Variants in XRN1 observed in about 807,000 individuals in gnomAD.
XRN1 encodes the protein 5'-3' exoribonuclease 1.
XRN1 carries 67 observed loss-of-function variants against 222.3 expected under a neutral mutation model. The ratio of observed to expected loss-of-function variants is 0.30; its 90% CI spans 0.25 to 0.37. The LOEUF is 0.37. XRN1 is among the 10% of genes least tolerant of loss of function. XRN1 has a pLI of 1.00. For synonymous variants in XRN1, 643 were observed against 652.4 expected (o/e 0.99, Z 0.22); for missense variants, 1,707 against 2,000.2 (o/e 0.85, Z 2.80).
At chr3:142,357,174 G>A in intron 30 of XRN1, 55 bp from the exon 31 acceptor site, 3 of 1,508,186 alleles carry the variant, frequency 2.0e-6, no homozygotes, top group Non-Finnish European at 1.8e-6. Flanking sequence ...AATGTGTTAG[G>A]GAGAAAAGTC....
intron 37 of XRN1, among the ~76,000 whole-genome samples, chr3:142,324,842 G>A (rs2065471924): frequency 6.6e-6 from 1 of 151,938 alleles, no homozygotes; most frequent in East Asian, 1.9e-4. Context: ...TTCTCTGATG[G>A]CCAGTGATGA....
chr3:142,403,093 AC>A (rs2068208816), intron 18 of XRN1, among the ~76,000 whole-genome samples: 1 of 152,094 alleles, frequency 6.6e-6, no homozygotes, highest in Non-Finnish European at 1.5e-5. Flanking sequence ...ATAAGTCCAA[AC>A]TCAGCCTGGT....
intron 1 of XRN1, among the ~76,000 whole-genome samples, chr3:142,441,168 G>T (rs1388789554): frequency 1.3e-5 from 2 of 152,236 alleles, no homozygotes; most frequent in Non-Finnish European, 2.9e-5. Context: ...AGTGGGGAAT[G>T]TATCCAGCCT....
At chr3:142,357,177 GAA>G in intron 30 of XRN1, 58 bp from the exon 31 acceptor site, 1 of 1,499,560 alleles carries the variant, frequency 6.7e-7, no homozygotes, top group Non-Finnish European at 9.1e-7. Context: ...GTGTTAGGGA[GAA>G]AAGTCAAATA....
chr3:142,332,926 G>A (rs941781604), intron 35 of XRN1, 41 bp downstream of exon 35: 8 of 1,607,012 alleles, frequency 5.0e-6, no homozygotes, highest in African/African-American at 2.7e-5. Context: ...GTCAACAGTC[G>A]AGAAATTACC....
rs192838383 is a variant in XRN1, at chr3:142,383,321, G to C, written c.2595C>G (p.Pro865=). Residue 865 remains proline, a synonymous_variant, in exon 22 of 41, where the codon CCC becomes CCG. Coordinates refer to ENST00000392981, the MANE Select transcript of XRN1 (RefSeq NM_001282857.2). The part of the protein sequence containing the change: ...LRSMVFMLGT[P]YYGCTGEVQD... ...TAACTTCTCCAGTGCAGCCATAATA[G>C]GGAGTTCCCAGCATAAAGACCATAC... The C allele has an allele frequency of 3.7e-6, 6 of 1,613,488 alleles. No homozygotes were observed. The Admixed American group carries it at 1.0e-4, about 27-fold the overall frequency.
intron 30 of XRN1, among the ~76,000 whole-genome samples, chr3:142,358,345 T>C (rs1192411439): frequency 6.6e-6 from 1 of 152,194 alleles, no homozygotes; most frequent in Non-Finnish European, 1.5e-5. Context: ...AGAATCCTTC[T>C]CTTGTTAAGT....
Position 142,357,116 on chromosome 3 carries a change from G to C in XRN1, c.3468C>G (p.Cys1156Trp). The change falls in exon 31 of 41, where the codon TGC becomes TGG. Residue 1156 changes from cysteine to tryptophan, a missense_variant. Cys to Trp is a radical substitution (Grantham distance 215). Around this residue, in one of 2 missense-constraint regions of XRN1, gnomAD observed 1,234 missense variants for 1,518.2 expected, o/e 0.81. Coordinates refer to ENST00000392981, the MANE Select transcript of XRN1 (RefSeq NM_001282857.2). Reference protein sequence around the residue: ...EEFPGGLTIRCSPGRGYRLPT... With the variant: ...EEFPGGLTIRWSPGRGYRLPT... ...GCAGTCGATAACCTCTACCAGGTGA[G>C]CATCTAAAAGTAAAAGTTATATCAG... 6.2e-7 allele frequency: 1 copy of C among 1,605,752 alleles called. No individual in the cohort carries two copies. The highest frequency in any genetic ancestry group is 8.5e-7 in the Non-Finnish European group (1 of 1,175,628).
chr3:142,440,985 C>T (rs961832721), intron 1 of XRN1, among the ~76,000 whole-genome samples: 20 of 152,132 alleles, frequency 1.3e-4, no homozygotes, highest in African/African-American at 4.1e-4. Context: ...CTTCGGTACG[C>T]GGATGATTTA....
At chr3:142,429,027 G>A (rs1160568179) in intron 2 of XRN1, among the ~76,000 whole-genome samples, 2 of 151,928 alleles carry the variant, frequency 1.3e-5, no homozygotes, top group Non-Finnish European at 2.9e-5. Flanking sequence ...GAGAGAATGT[G>A]GTTACATGAT....
rs956560284 is a variant in XRN1 at position 142,308,527 on chromosome 3, T to C, written c.*2984A>G. ...GTTCAGTAGAGGTGACTTTAATTTT[T>C]TTCTGCAACTACAACTGAGTCTTAG... On this transcript the variant is annotated 3_prime_UTR_variant, in exon 41 of 41. Transcript: ENST00000392981. The C allele has an allele frequency of 6.6e-6, 1 of 152,242 alleles. No homozygotes were observed. Among genetic ancestry groups the C allele is most frequent in the African/African-American group, 2.4e-5 (1 of 41,472 alleles). 9.4% of individuals were successfully genotyped at this position (152,242 alleles called of 1,614,324 possible). A position where few individuals can be genotyped will look rare whatever the true frequency, so the allele number is the denominator to read the frequency against.
chr3:142,368,028 T>C lies in XRN1; in HGVS notation c.3204+2457A>G, dbSNP rs556610269. Reference sequence around the variant, plus strand: ...CTCCTGTCTTATCTATATGCATATATGTATGATCATATATATGATTATATA... The same window carrying C: ...CTCCTGTCTTATCTATATGCATATACGTATGATCATATATATGATTATATA... On this transcript the variant is annotated intron_variant, in intron 27 of 40. Transcript: ENST00000392981. Among the ~76,000 whole-genome samples the C allele has an allele frequency of 1.7e-4, 26 of 150,790 alleles. No individual in the cohort carries two copies. In the East Asian group the frequency reaches 5.0e-3, roughly 29 times the overall value.
intron 1 of XRN1, among the ~76,000 whole-genome samples, chr3:142,443,263 G>T (rs2108214791): frequency 6.6e-6 from 1 of 152,304 alleles, no homozygotes; most frequent in Non-Finnish European, 1.5e-5. Context: ...TCAGCAGGAA[G>T]CAGTTAGAGC....
At chr3:142,363,280 A>AT (rs915527216) in intron 29 of XRN1, among the ~76,000 whole-genome samples, 6 of 151,046 alleles carry the variant, frequency 4.0e-5, no homozygotes, top group Admixed American at 3.3e-4. Flanking sequence ...TTCCAACACC[A>AT]TTTTTTTTCT....
intron 33 of XRN1, among the ~76,000 whole-genome samples, chr3:142,335,856 T>C (rs1338470318): frequency 6.6e-6 from 1 of 152,076 alleles, no homozygotes; most frequent in African/African-American, 2.4e-5. Context: ...TTGAGAGAAC[T>C]AAAAAAGCAG....
intron 2 of XRN1, among the ~76,000 whole-genome samples, chr3:142,431,538 T>G (rs1424193361): frequency 2.0e-5 from 3 of 150,928 alleles, no homozygotes; most frequent in African/African-American, 7.3e-5. Context: ...AAAAATTGGC[T>G]GGGCACGGTG....
intron 15 of XRN1, among the ~76,000 whole-genome samples, chr3:142,406,349 C>T (rs995617869): frequency 2.6e-5 from 4 of 152,116 alleles, no homozygotes; most frequent in African/African-American, 7.2e-5. Context: ...ACAAAATCAA[C>T]TCAAAATGGA....
chr3:142,440,934 C>G (rs961241939), intron 1 of XRN1, among the ~76,000 whole-genome samples: 1 of 152,170 alleles, frequency 6.6e-6, no homozygotes, highest in Non-Finnish European at 1.5e-5. Context: ...TAGGAATTAG[C>G]CCAAGACTTG....
intron 20 of XRN1, among the ~76,000 whole-genome samples, chr3:142,396,118 C>T (rs961190600): frequency 2.0e-5 from 3 of 152,242 alleles, no homozygotes; most frequent in East Asian, 1.9e-4. Flanking sequence ...TTATTCATTA[C>T]GTGTTTTTAT....
Sources: gnomAD v4.1 joint callset for allele counts (sites outside exome capture counted in the v4.1 genomes callset) on GRCh38, gnomAD v4.1.1 for gene constraint, gnomAD v4.1.1 regional missense constraint, MANE v1.5 for transcripts, NCBI Gene and HGNC (gene_info 2026-07-23, HGNC 2026-07-21) for gene names.